SACS: variants seen among roughly 807,000 people sequenced by gnomAD.
SACS encodes the protein sacsin molecular chaperone.
SACS carries 197 observed loss-of-function variants against 348.0 expected under a neutral mutation model. The observed-to-expected ratio is 0.57, with a 90% CI of 0.50 to 0.64. The LOEUF is 0.64. Among genes scored for constraint, SACS ranks in the 30% least tolerant of loss-of-function variants. The probability of loss-of-function intolerance (pLI) is 0.00; values close to 1 mark genes in which losing one functional copy is unlikely to be tolerated. For missense variants in SACS, 4,999 were observed against 5,360.8 expected, an observed-to-expected ratio of 0.93 and a Z score of 2.11; for synonymous variants, 1,985 against 1,910.6, an observed-to-expected ratio of 1.04 and a Z score of -1.02.
chr13:23,416,682 G>A (rs1298096536), intron 1 of SACS, among the ~76,000 whole-genome samples: 1 of 150,998 alleles, frequency 6.6e-6, no homozygotes, highest in East Asian at 2.0e-4. Flanking sequence ...GCTTGAGCCC[G>A]GGAGGCAGAG....
In SACS at chr13:23,340,456, T is replaced by C; in HGVS notation, c.3420A>G (p.Thr1140=). The change falls in exon 10 of 10, where the codon ACA becomes ACG. Residue 1140 remains threonine, a synonymous_variant. Transcript: ENST00000382292. Reference sequence around the variant, plus strand: ...TCTTTCCTTCAGATGATTGCAACAGTGTGTGATTCTTATTTAAAACCAGTA... The same window carrying C: ...TCTTTCCTTCAGATGATTGCAACAGCGTGTGATTCTTATTTAAAACCAGTA... The part of the protein sequence containing the change: ...TLLLVLNKNH[T]LLQSSEGKMT... 6.2e-7 allele frequency: 1 copy of C among 1,613,744 alleles called. No individual in the cohort carries two copies. Among genetic ancestry groups the C allele is most frequent in the Non-Finnish European group, 8.5e-7 (1 of 1,179,898 alleles).
intron 2 of SACS, among the ~76,000 whole-genome samples, chr13:23,394,108 G>A (rs1872625741): frequency 1.3e-5 from 2 of 152,166 alleles, no homozygotes; most frequent in South Asian, 2.1e-4. Flanking sequence ...GTGGCCAAGC[G>A]AACCAACCAC....
At chr13:23,360,584 C>T (rs1393380333) in intron 6 of SACS, among the ~76,000 whole-genome samples, 1 of 152,150 alleles carries the variant, frequency 6.6e-6, no homozygotes, top group Admixed American at 6.5e-5. Context: ...ACCCACCTTC[C>T]TTCCCACTGT....
At chr13:23,412,979 T>C (rs908093047) in intron 1 of SACS, among the ~76,000 whole-genome samples, 6 of 151,712 alleles carry the variant, frequency 4.0e-5, no homozygotes, top group African/African-American at 1.5e-4. Context: ...AATGAGAAAC[T>C]TTTTTTTTGT....
chr13:23,333,314 A>C lies in SACS; in HGVS notation c.10562T>G (p.Leu3521Arg). ...SEIKEQLFEK[L>R]ESLLIIHDAN... ...ATCATGGATTATCAATAAACTTTCC[A>C]GTTTTTCAAAAAGTTGTTCCTTAAT... Residue 3521 changes from leucine to arginine, a missense_variant, in exon 10 of 10, where the codon CTG (leucine) becomes CGG (arginine). Physicochemically the swap from Leu to Arg is moderately radical, Grantham distance 102 (BLOSUM62 -2). Coordinates refer to ENST00000382292, the MANE Select transcript of SACS (RefSeq NM_014363.6). 6.2e-7 allele frequency: 1 copy of C among 1,603,952 alleles called. No individual in the cohort carries two copies. The highest frequency in any genetic ancestry group is 8.5e-7 in the Non-Finnish European group (1 of 1,176,800).
Position 23,330,683 on chromosome 13 carries a change from T to C in SACS, c.13193A>G (p.Tyr4398Cys), listed in dbSNP as rs752367638. 7 of 1,614,150 alleles carry C rather than the reference T, an allele frequency of 4.3e-6. No homozygotes were observed. Among genetic ancestry groups the C allele is most frequent in the South Asian group, 1.1e-5 (1 of 91,074 alleles). The change falls in exon 10 of 10, where the codon TAT becomes TGT. Residue 4398 changes from tyrosine (Y) to cysteine (C), a missense_variant. Physicochemically the swap from Tyr to Cys is radical, Grantham distance 194. Coordinates refer to ENST00000382292, the MANE Select transcript of SACS (RefSeq NM_014363.6). ...QSDKYSFQRF[Y>C]TSWNQEATSH... Reference sequence around the variant, plus strand: ...CGTTGCTTCTTGATTCCATGAAGTATAGAATCTCTGAAATGAGTATTTGTC... The same window carrying C: ...CGTTGCTTCTTGATTCCATGAAGTACAGAATCTCTGAAATGAGTATTTGTC...
chr13:23,373,746 G>A (rs1871548392), intron 3 of SACS: 1 of 143,308 alleles, frequency 7.0e-6, no homozygotes, highest in African/African-American at 2.6e-5. Flanking sequence ...GTTGCAGTGA[G>A]CCGAGTGTTG....
chr13:23,331,023 T>G lies in SACS; in HGVS notation c.12853A>C (p.Ser4285Arg). Residue 4285 changes from serine (S) to arginine (R), a missense_variant, in exon 10 of 10, where the codon AGC becomes CGC. Physicochemically the swap from Ser to Arg is moderately radical, Grantham distance 110. Around this residue, in one of 6 missense-constraint regions of SACS, gnomAD observed 831 missense variants for 941.8 expected, o/e 0.88. Transcript: ENST00000382292. ...TGATGTTTGGAAGAAGTCTTGTGGC[T>G]CTCTCTACCAGAGAAAAGAGGAGGA... The part of the protein sequence containing the change: ...SIPPLFSGRE[S>R]HKTSSKHQSP... 6.2e-7 allele frequency: 1 copy of G among 1,614,096 alleles called. No individual in the cohort carries two copies.
At chr13:23,408,368 A>G (rs1018594801) in intron 2 of SACS, among the ~76,000 whole-genome samples, 1 of 152,208 alleles carries the variant, frequency 6.6e-6, no homozygotes, top group Non-Finnish European at 1.5e-5. Context: ...TCCTGAAAGC[A>G]ATGGAGAAGG....
Position 23,332,652 on chromosome 13 carries a change from C to A in SACS, c.11224G>T (p.Asp3742Tyr), listed in dbSNP as rs1373959789. The change falls in exon 10 of 10, where the codon GAT becomes TAT. Residue 3742 changes from aspartate (D) to tyrosine (Y), a missense_variant. This residue lies in a region of SACS where 831 missense variants were observed against 941.8 expected (regional missense o/e 0.88). Transcript: ENST00000382292. ...TTGATTACCTTATCAAGAGGAGGAT[C>A]CAGGTTAACATTAAGCATATTTAAA... ...QVLNMLNVNLDPPLDKVINNC... is the reference protein window; with the variant it reads ...QVLNMLNVNLYPPLDKVINNC... The A allele has an allele frequency of 6.2e-7, 1 of 1,613,720 alleles. No homozygotes were observed. The highest frequency in any genetic ancestry group is 1.1e-5 in the South Asian group (1 of 91,082).
intron 4 of SACS, among the ~76,000 whole-genome samples, chr13:23,368,715 T>G (rs1871201672): frequency 6.6e-6 from 1 of 152,198 alleles, no homozygotes; most frequent in Admixed American, 6.5e-5. Context: ...GTTTTGTTTT[T>G]TGAGACAGAG....
chr13:23,399,881 C>A (rs1369213462), intron 2 of SACS, among the ~76,000 whole-genome samples: 1 of 152,068 alleles, frequency 6.6e-6, no homozygotes, highest in African/African-American at 2.4e-5. Flanking sequence ...CCAACCCTGC[C>A]ATAAACTTCT....
At position 23,332,655 on chromosome 13, in the gene SACS, G is replaced by A. The variant is rs1190212363; in HGVS notation, c.11221C>T (p.Leu3741=). ...EQVLNMLNVN[L]DPPLDKVINN... is the part of the protein sequence containing the mutation. ...ATTACCTTATCAAGAGGAGGATCCA[G>A]GTTAACATTAAGCATATTTAAAACT... Residue 3741 remains leucine, a synonymous_variant, in exon 10 of 10, where the codon CTG becomes TTG. Coordinates refer to ENST00000382292, the MANE Select transcript of SACS (RefSeq NM_014363.6). 6.2e-7 allele frequency: 1 copy of A among 1,613,622 alleles called. No homozygotes were observed. Among genetic ancestry groups the A allele is most frequent in the Non-Finnish European group, 8.5e-7 (1 of 1,179,940 alleles).
At chr13:23,345,673 G>T (rs1167863104) in intron 9 of SACS, among the ~76,000 whole-genome samples, 2 of 152,082 alleles carry the variant, frequency 1.3e-5, no homozygotes, top group Non-Finnish European at 2.9e-5. Flanking sequence ...AGTAAGAACC[G>T]TGAATGATAA....
rs1870531490 is a variant in SACS at position 23,358,462 on chromosome 13, G to A, written c.477C>T (p.Tyr159=). 4 of 1,614,118 alleles carry A rather than the reference G, an allele frequency of 2.5e-6. No homozygotes were observed. Among genetic ancestry groups the A allele is most frequent in the Non-Finnish European group, 3.4e-6 (4 of 1,180,016 alleles). Residue 159 remains tyrosine (Y), a synonymous_variant, in exon 7 of 10, where the codon TAC becomes TAT. Coordinates refer to ENST00000382292, the MANE Select transcript of SACS (RefSeq NM_014363.6). ...APYQGPALYV[Y]NNAVFTPEDW... ...CCTCTGGGGTGAAAACCGCGTTGTT[G>A]TACACATAGAGAGCTGGCCCTAGGT...
At chr13:23,350,340 G>A (rs766553838) in intron 9 of SACS, among the ~76,000 whole-genome samples, 1 of 152,168 alleles carries the variant, frequency 6.6e-6, no homozygotes, top group Non-Finnish European at 1.5e-5. Context: ...ATACAAGAAA[G>A]AAAATCAAGG....
chr13:23,356,228 C>CA (rs1421124649), intron 7 of SACS, among the ~76,000 whole-genome samples: 2 of 152,180 alleles, frequency 1.3e-5, no homozygotes, highest in Non-Finnish European at 2.9e-5. Context: ...AGAGACTTTG[C>CA]ATGATTACTG....
At position 23,335,943 on chromosome 13, in the gene SACS, G is replaced by A; in HGVS notation, c.7933C>T (p.Leu2645=). Residue 2645 remains leucine, a synonymous_variant, in exon 10 of 10, where the codon CTG becomes TTG. Transcript: ENST00000382292. The surrounding 1 kb of genome is among the most constrained non-coding windows in gnomAD (Gnocchi z 4.7). ...CTGGCATGAGGATCAAAAATACACA[G>A]GATGTCATTGCCAGAAATAAAAGAT... The part of the protein sequence containing the change: ...CPSFISGNDI[L]CIFDPHARYA... The A allele has an allele frequency of 1.2e-6, 2 of 1,612,648 alleles. No homozygotes were observed. Among genetic ancestry groups the A allele is most frequent in the South Asian group, 1.1e-5 (1 of 91,052 alleles).
intron 1 of SACS, chr13:23,428,004 T>C (rs1232833356): frequency 6.6e-6 from 1 of 152,212 alleles, no homozygotes; most frequent in South Asian, 2.1e-4. Context: ...TTTCATAGTT[T>C]TCAGTGCTGC....
Sources: gnomAD v4.1 joint callset for allele counts (sites outside exome capture counted in the v4.1 genomes callset) on GRCh38, gnomAD v4.1.1 for gene constraint, gnomAD v4.1.1 regional missense constraint, Gnocchi (gnomAD v3.1) non-coding constraint, MANE v1.5 for transcripts, NCBI Gene and HGNC (gene_info 2026-07-23, HGNC 2026-07-21) for gene names.